FBXL7: variants seen among roughly 807,000 people sequenced by gnomAD.
The protein encoded by FBXL7 is F-box/LRR-repeat protein 7.
FBXL7 carries 12 observed loss-of-function variants against 38.3 expected under a neutral mutation model. The observed-to-expected ratio is 0.31, with a 90% confidence interval of 0.20 to 0.51. The LOEUF (loss-of-function observed/expected upper bound fraction) is 0.51, where lower values mean the gene tolerates loss of function less well. Among genes scored for constraint, FBXL7 ranks in the 20% least tolerant of loss-of-function variants. FBXL7 has a pLI of 0.98. For synonymous variants in FBXL7, 297 were observed against 300.9 expected, an observed-to-expected ratio of 0.99 and a Z score of 0.13; for missense variants, 567 against 676.4, an observed-to-expected ratio of 0.84 and a Z score of 1.79.
chr5:15,788,906 A>G (rs1737202158), intron 2 of FBXL7, among the ~76,000 whole-genome samples: 1 of 148,828 alleles, frequency 6.7e-6, no homozygotes, highest in Non-Finnish European at 1.5e-5. Context: ...GCTGGAGTAC[A>G]GTGGTGTGAT....
intron 2 of FBXL7, among the ~76,000 whole-genome samples, chr5:15,821,569 C>G (rs950985045): frequency 6.7e-6 from 1 of 148,280 alleles, no homozygotes; most frequent in African/African-American, 2.5e-5. Context: ...AATTCAGCAA[C>G]AGTGAGTGCC....
At chr5:15,644,304 C>CAAAAAAAAA (rs369213583) in intron 2 of FBXL7, among the ~76,000 whole-genome samples, 3 of 94,796 alleles carry the variant, frequency 3.2e-5, no homozygotes, top group African/African-American at 7.9e-5. Context: ...ACTAAAAATC[C>CAAAAAAAAA]AAAAAAAAAA....
chr5:15,511,287 G>C (rs1350346233), intron 1 of FBXL7, among the ~76,000 whole-genome samples: 1 of 152,198 alleles, frequency 6.6e-6, no homozygotes, highest in Non-Finnish European at 1.5e-5. Flanking sequence ...CATATAAAAT[G>C]ATGAGCATAT....
intron 2 of FBXL7, among the ~76,000 whole-genome samples, chr5:15,883,134 A>G (rs1438830202): frequency 6.6e-6 from 1 of 152,168 alleles, no homozygotes; most frequent in Non-Finnish European, 1.5e-5. Context: ...ATTATTGTGT[A>G]CCCTTCAAGC....
chr5:15,851,700 G>A (rs1168490017), intron 2 of FBXL7, among the ~76,000 whole-genome samples: 3 of 151,858 alleles, frequency 2.0e-5, no homozygotes, highest in African/African-American at 7.3e-5. Context: ...TTAAGAGTCA[G>A]GTAGTTAATA....
At chr5:15,753,387 C>T (rs960804315) in intron 2 of FBXL7, among the ~76,000 whole-genome samples, 2 of 152,156 alleles carry the variant, frequency 1.3e-5, no homozygotes, top group African/African-American at 2.4e-5. Context: ...GTATTTGTGA[C>T]TTAGCAGAGC....
At chr5:15,505,090 A>G (rs1007998118) in intron 1 of FBXL7, among the ~76,000 whole-genome samples, 1 of 152,208 alleles carries the variant, frequency 6.6e-6, no homozygotes, top group African/African-American at 2.4e-5. Context: ...GAGGAGAGCC[A>G]TTTGCCTGAG....
At chr5:15,842,996 ATATACAAATGTACAAATACGAGGTTG>A (rs1349100821) in intron 2 of FBXL7, among the ~76,000 whole-genome samples, 4 of 152,256 alleles carry the variant, frequency 2.6e-5, no homozygotes, top group Non-Finnish European at 5.9e-5. Flanking sequence ...ATATAAGGTT[ATATACAAATGTACAAATACGAGGTTG>A]TATACAAATA....
intron 2 of FBXL7, among the ~76,000 whole-genome samples, chr5:15,917,992 A>C (rs1206856995): frequency 6.6e-6 from 1 of 152,114 alleles, no homozygotes; most frequent in Non-Finnish European, 1.5e-5. Flanking sequence ...TAATCCCAGC[A>C]CTTTGGGAGG....
intron 2 of FBXL7, among the ~76,000 whole-genome samples, chr5:15,880,758 AAAAT>A (rs1335803650): frequency 6.1e-5 from 9 of 147,184 alleles, no homozygotes; most frequent in African/African-American, 2.2e-4. Flanking sequence ...TATACTTAGT[AAAAT>A]AAATTCAATT....
intron 2 of FBXL7, among the ~76,000 whole-genome samples, chr5:15,792,132 A>G (rs66932821): frequency 0.012 from 1,871 of 152,320 alleles, 9 homozygotes; most frequent in Admixed American, 0.019. Context: ...TCCTAAAGGC[A>G]GGAAAAATAA....
chr5:15,584,551 C>T (rs926515514), intron 1 of FBXL7, among the ~76,000 whole-genome samples: 1 of 152,188 alleles, frequency 6.6e-6, no homozygotes, highest in Non-Finnish European at 1.5e-5. Flanking sequence ...GCCTGGACTT[C>T]ATTGTCTACA....
rs148418155 is a variant in FBXL7 at position 15,574,818 on chromosome 5, T to C, written c.38-41165T>C. 2.8e-3 allele frequency among the ~76,000 whole-genome samples: 431 copies of C among 152,256 alleles called. 4 individuals carry two copies. Among genetic ancestry groups the C allele is most frequent in the African/African-American group, 9.9e-3 (412 of 41,542 alleles). On this transcript the variant is annotated intron_variant, in intron 1 of 3. Transcript: ENST00000504595. Reference sequence around the variant, plus strand: ...ATACTAGTGCTTGTTGATGTAGGAATTGGAATTATGGAAAGTAAGAAAACA... The same window carrying C: ...ATACTAGTGCTTGTTGATGTAGGAACTGGAATTATGGAAAGTAAGAAAACA...
At chr5:15,802,870 T>A (rs988953738) in intron 2 of FBXL7, among the ~76,000 whole-genome samples, 1 of 152,008 alleles carries the variant, frequency 6.6e-6, no homozygotes, top group Admixed American at 6.6e-5. Flanking sequence ...CCAGGCTGGT[T>A]TCAAACTCCC....
intron 1 of FBXL7, among the ~76,000 whole-genome samples, chr5:15,539,682 G>T (rs1034326762): frequency 6.6e-6 from 1 of 151,938 alleles, no homozygotes; most frequent in Admixed American, 6.6e-5. Flanking sequence ...CTGCTGGGGG[G>T]CATTTGTGAA....
intron 3 of FBXL7, among the ~76,000 whole-genome samples, chr5:15,931,364 T>C (rs1250830395): frequency 6.6e-6 from 1 of 152,098 alleles, no homozygotes; most frequent in Non-Finnish European, 1.5e-5. Flanking sequence ...AAAGAACCTC[T>C]CTAACTGGAG....
intron 3 of FBXL7, among the ~76,000 whole-genome samples, chr5:15,933,221 A>G (rs1357890881): frequency 6.6e-6 from 1 of 152,246 alleles, no homozygotes; most frequent in Non-Finnish European, 1.5e-5. Flanking sequence ...GATCTAAAAT[A>G]ATACAAGCCT....
intron 2 of FBXL7, among the ~76,000 whole-genome samples, chr5:15,838,568 G>A (rs529419819): frequency 3.9e-5 from 6 of 152,200 alleles, no homozygotes; most frequent in East Asian, 3.9e-4. Flanking sequence ...CACCCTAGAC[G>A]GATATTGAGC....
chr5:15,769,220 A>G (rs1486364043), intron 2 of FBXL7, among the ~76,000 whole-genome samples: 2 of 152,216 alleles, frequency 1.3e-5, no homozygotes, highest in African/African-American at 4.8e-5. Context: ...CCAGTATTCT[A>G]TTCTGCATTG....
Sources: allele counts gnomAD v4.1 joint callset (sites outside exome capture counted in the v4.1 genomes callset), GRCh38; gene constraint gnomAD v4.1.1; transcripts MANE v1.5; gene names NCBI Gene and HGNC (gene_info 2026-07-23, HGNC 2026-07-21).